VPS13B: variants seen among roughly 807,000 people sequenced by gnomAD.
The protein encoded by VPS13B is intermembrane lipid transfer protein VPS13B.
Under a neutral mutation model 426.4 loss-of-function variants are expected in VPS13B, and 285 were observed. The ratio of observed to expected loss-of-function variants is 0.67; its 90% CI spans 0.61 to 0.74. The LOEUF is 0.74. Ranked by LOEUF, VPS13B falls within the 30% of genes least tolerant of loss-of-function variation. The pLI is 0.00. For synonymous variants in VPS13B, 1,676 were observed against 1,676.4 expected (o/e 1.00, Z 0.01); for missense variants, 4,537 against 4,782.6 (o/e 0.95, Z 1.51).
intron 19 of VPS13B, among the ~76,000 whole-genome samples, chr8:99,357,682 G>T (rs957792298): frequency 6.6e-6 from 1 of 152,048 alleles, no homozygotes; most frequent in Non-Finnish European, 1.5e-5. Context: ...CCCCATTTTA[G>T]TACTTAATAG....
chr8:99,155,625 TA>T (rs964466051), intron 14 of VPS13B, among the ~76,000 whole-genome samples: 2 of 152,168 alleles, frequency 1.3e-5, no homozygotes, highest in Non-Finnish European at 2.9e-5. Flanking sequence ...TAGTAATGAG[TA>T]AAAAATCAGC....
At chr8:99,240,239 G>A (rs748145431) in intron 17 of VPS13B, among the ~76,000 whole-genome samples, 5 of 152,092 alleles carry the variant, frequency 3.3e-5, no homozygotes, top group South Asian at 2.1e-4. Flanking sequence ...ATACTTACCC[G>A]GTATTTTAAA....
intron 43 of VPS13B, among the ~76,000 whole-genome samples, chr8:99,803,452 TTCTC>T (rs1415438847): frequency 6.6e-6 from 1 of 152,190 alleles, no homozygotes; most frequent in African/African-American, 2.4e-5. Context: ...TGAGCTTACT[TTCTC>T]TTTTTCTTTT....
At chr8:99,565,161 T>C (rs1825121216) in intron 31 of VPS13B, among the ~76,000 whole-genome samples, 1 of 152,200 alleles carries the variant, frequency 6.6e-6, no homozygotes, top group Admixed American at 6.5e-5. Context: ...TTTAAAGATA[T>C]AATTCTAATA....
At chr8:99,073,699 C>CTTTTTTTTTTTTTTTT (rs71273160) in intron 3 of VPS13B, among the ~76,000 whole-genome samples, 1 of 83,574 alleles carries the variant, frequency 1.2e-5, no homozygotes, top group Non-Finnish European at 2.4e-5. Flanking sequence ...ATTTTCTTTC[C>CTTTTTTTTTTTTTTTT]TTTTTTTTTT....
chr8:99,095,187 C>T (rs188368481), intron 3 of VPS13B, among the ~76,000 whole-genome samples: 387 of 152,276 alleles, frequency 2.5e-3, no homozygotes, highest in Non-Finnish European at 4.5e-3. Context: ...GTGGCAGCCT[C>T]CTCCTAATTA....
chr8:99,595,486 C>G (rs112344444), intron 33 of VPS13B, among the ~76,000 whole-genome samples: 221 of 151,772 alleles, frequency 1.5e-3, no homozygotes, highest in African/African-American at 5.0e-3. Context: ...GGATCAAAGA[C>G]CTAAATATAA....
intron 23 of VPS13B, among the ~76,000 whole-genome samples, chr8:99,452,124 C>T (rs1818227622): frequency 6.6e-6 from 1 of 152,142 alleles, no homozygotes. Context: ...TTTTCTGCTA[C>T]ACTCCCTGCT....
At chr8:99,626,343 C>T (rs563337642) in intron 33 of VPS13B, among the ~76,000 whole-genome samples, 1 of 152,164 alleles carries the variant, frequency 6.6e-6, no homozygotes, top group Non-Finnish European at 1.5e-5. Flanking sequence ...TCATTAAAGA[C>T]TATATACTAT....
chr8:99,611,039 T>C (rs919178280), intron 33 of VPS13B, among the ~76,000 whole-genome samples: 1 of 152,246 alleles, frequency 6.6e-6, no homozygotes, highest in Non-Finnish European at 1.5e-5. Flanking sequence ...ATATGAATTA[T>C]GCTGACATTC....
intron 33 of VPS13B, among the ~76,000 whole-genome samples, chr8:99,638,233 A>T (rs1461294647): frequency 6.6e-6 from 1 of 152,074 alleles, no homozygotes; most frequent in African/African-American, 2.4e-5. Context: ...GAAAACTAAC[A>T]TGATGTTTCC....
intron 34 of VPS13B, among the ~76,000 whole-genome samples, chr8:99,657,115 T>C (rs1333760314): frequency 6.6e-6 from 1 of 152,194 alleles, no homozygotes; most frequent in Non-Finnish European, 1.5e-5. Flanking sequence ...CTATGGCCAG[T>C]TGGTTTATTG....
At chr8:99,297,796 C>G (rs1820126312) in intron 19 of VPS13B, among the ~76,000 whole-genome samples, 1 of 152,186 alleles carries the variant, frequency 6.6e-6, no homozygotes, top group Admixed American at 6.5e-5. Context: ...TGCCTTTCCA[C>G]TCAACAGTGT....
chr8:99,766,450 A>G (rs1811231177), intron 39 of VPS13B, among the ~76,000 whole-genome samples: 1 of 151,982 alleles, frequency 6.6e-6, no homozygotes, highest in Non-Finnish European at 1.5e-5. Context: ...TATTCTTTTA[A>G]TCTATTTGTA....
At chr8:99,512,775 C>T (rs1157805875) in intron 29 of VPS13B, among the ~76,000 whole-genome samples, 5 of 152,006 alleles carry the variant, frequency 3.3e-5, no homozygotes, top group Non-Finnish European at 7.4e-5. Flanking sequence ...TTTGGGAGGC[C>T]GAGTCGGGCA....
chr8:99,427,443 C>G (rs1330679378), intron 21 of VPS13B, among the ~76,000 whole-genome samples: 1 of 150,304 alleles, frequency 6.7e-6, no homozygotes, highest in Admixed American at 6.7e-5. Context: ...TTTTCCAATT[C>G]TGTGAAGAAA....
intron 30 of VPS13B, among the ~76,000 whole-genome samples, chr8:99,539,419 A>G (rs1420284127): frequency 6.6e-6 from 1 of 152,230 alleles, no homozygotes; most frequent in African/African-American, 2.4e-5. Flanking sequence ...TATGAATTGC[A>G]GACAGAGTAT....
intron 25 of VPS13B, among the ~76,000 whole-genome samples, chr8:99,487,108 G>GAA (rs748801176): frequency 7.2e-4 from 54 of 75,524 alleles, no homozygotes; most frequent in African/African-American, 1.4e-3. Context: ...CCGAAACCAA[G>GAA]AAAAAAAAAA....
chr8:99,214,355 A>G (rs1396643565), intron 17 of VPS13B, among the ~76,000 whole-genome samples: 2 of 152,234 alleles, frequency 1.3e-5, no homozygotes, highest in Non-Finnish European at 2.9e-5. Context: ...TGCATAAAGT[A>G]TAGCTTATAG....
Sources: allele counts gnomAD v4.1 joint callset (sites outside exome capture counted in the v4.1 genomes callset), GRCh38; gene constraint gnomAD v4.1.1; transcripts MANE v1.5; gene names NCBI Gene and HGNC (gene_info 2026-07-23, HGNC 2026-07-21).